The following FGF12 variants were observed in gnomAD, a reference collection of about 807,000 sequenced individuals.
FGF12 encodes fibroblast growth factor 12B.
FGF12 carries 14 observed loss-of-function variants against 23.6 expected under a neutral mutation model. That is an observed-to-expected ratio of 0.59 (90% confidence interval 0.39 to 0.93). The LOEUF is 0.93. Ranked by LOEUF, FGF12 falls within the 40% of genes least tolerant of loss-of-function variation. The probability of loss-of-function intolerance (pLI) is 0.00; values close to 1 mark genes in which losing one functional copy is unlikely to be tolerated. For missense variants in FGF12, 175 were observed against 217.8 expected (o/e 0.80, Z 1.24); for synonymous variants, 62 against 77.3 (o/e 0.80, Z 1.04).
intron 2 of FGF12, among the ~76,000 whole-genome samples, chr3:192,575,224 A>G (rs193161338): frequency 5.5e-4 from 84 of 152,360 alleles, no homozygotes; most frequent in African/African-American, 1.9e-3. Flanking sequence ...AACACGTACA[A>G]TGAAACTCTG....
At chr3:192,698,887 C>T (rs1316961425) in intron 2 of FGF12, among the ~76,000 whole-genome samples, 1 of 152,170 alleles carries the variant, frequency 6.6e-6, no homozygotes, top group African/African-American at 2.4e-5. Flanking sequence ...TGTCAATACA[C>T]CTCACCCTTT....
chr3:192,496,388 C>T (rs1314346390), intron 2 of FGF12, among the ~76,000 whole-genome samples: 1 of 152,050 alleles, frequency 6.6e-6, no homozygotes, highest in Admixed American at 6.6e-5. Flanking sequence ...CTCTGATATA[C>T]TGGTCCAAGC....
At chr3:192,636,856 G>A (rs1715601543) in intron 2 of FGF12, among the ~76,000 whole-genome samples, 1 of 152,202 alleles carries the variant, frequency 6.6e-6, no homozygotes, top group Non-Finnish European at 1.5e-5. Flanking sequence ...CAAGGATACA[G>A]TCAGTGTGGC....
At position 192,320,744 on chromosome 3, in the gene FGF12, T is replaced by C. The variant is rs202163328; in HGVS notation, c.228+14617A>G. On this transcript the variant is annotated intron_variant, in intron 4 of 5. Transcript: ENST00000445105. ...CTCAATAAAGAAATTAAGAAATAAA[T>C]GTAAAAATTTCTTGAAACAAAAGAA... Among the ~76,000 whole-genome samples, 64 of 152,106 alleles carry C rather than the reference T, an allele frequency of 4.2e-4. No homozygotes were observed. In the East Asian group the frequency reaches 0.01, roughly 24 times the overall value.
rs1028889185 is a variant in FGF12 at position 192,653,288 on chromosome 3, T to C, written c.13+73893A>G. On this transcript the variant is annotated intron_variant, in intron 2 of 5. Transcript: ENST00000445105. ...AGGAGTGGTGACGAGAAATAAGTCA[T>C]AGCTCTTGTTTTTGAGGCATTCAGT... Among the ~76,000 whole-genome samples the C allele has an allele frequency of 2.6e-5, 4 of 152,210 alleles. 1 individual carries two copies. Among genetic ancestry groups the C allele is most frequent in the Non-Finnish European group, 5.9e-5 (4 of 68,046 alleles).
intron 3 of FGF12, among the ~76,000 whole-genome samples, chr3:192,341,295 CTT>C (rs1362240305): frequency 1.3e-5 from 2 of 152,070 alleles, no homozygotes; most frequent in Non-Finnish European, 2.9e-5. Flanking sequence ...TAAAGGATCA[CTT>C]TGATTAATCA....
At chr3:192,363,473 G>A (rs1340825462) in intron 2 of FGF12, among the ~76,000 whole-genome samples, 1 of 152,104 alleles carries the variant, frequency 6.6e-6, no homozygotes, top group Non-Finnish European at 1.5e-5. Flanking sequence ...TGAGAGCAGT[G>A]CCAGAACAGG....
chr3:192,217,870 C>A (rs1473562155), intron 4 of FGF12, among the ~76,000 whole-genome samples: 2 of 150,636 alleles, frequency 1.3e-5, no homozygotes, highest in Non-Finnish European at 3.0e-5. Context: ...GAATTTCGCT[C>A]TTGTTGCCAA....
At chr3:192,379,309 A>C (rs1400475764) in intron 2 of FGF12, among the ~76,000 whole-genome samples, 1 of 152,120 alleles carries the variant, frequency 6.6e-6, no homozygotes, top group Admixed American at 6.6e-5. Flanking sequence ...AAATACAAAT[A>C]AAATCATGTA....
At chr3:192,718,811 T>G (rs757252712) in intron 2 of FGF12, among the ~76,000 whole-genome samples, 37 of 152,124 alleles carry the variant, frequency 2.4e-4, no homozygotes, top group Admixed American at 7.2e-4. Context: ...TTCACAGCAT[T>G]AAAAAGCTAG....
intron 5 of FGF12, among the ~76,000 whole-genome samples, chr3:192,167,772 A>ATATATTTTTTTT (rs1715302128): frequency 1.3e-4 from 2 of 15,396 alleles, no homozygotes; most frequent in African/African-American, 4.5e-4. Context: ...TATATATAAA[A>ATATATTTTTTTT]TTTTTTTTTT....
At chr3:192,632,960 G>A (rs1018861220) in intron 2 of FGF12, among the ~76,000 whole-genome samples, 4 of 152,014 alleles carry the variant, frequency 2.6e-5, no homozygotes, top group East Asian at 1.9e-4. Flanking sequence ...TTGGCTCATC[G>A]ATGCATCAAT....
At chr3:192,426,237 G>C (rs1721683818) in intron 2 of FGF12, among the ~76,000 whole-genome samples, 1 of 152,136 alleles carries the variant, frequency 6.6e-6, no homozygotes, top group Non-Finnish European at 1.5e-5. Context: ...ATAAAAGGAG[G>C]GGGGAAATGG....
intron 4 of FGF12, among the ~76,000 whole-genome samples, chr3:192,229,439 G>A (rs1215371948): frequency 1.3e-5 from 2 of 151,940 alleles, no homozygotes; most frequent in Non-Finnish European, 2.9e-5. Flanking sequence ...AGGTATTCTG[G>A]CCCCTGTGTT....
intron 2 of FGF12, among the ~76,000 whole-genome samples, chr3:192,483,432 A>T (rs1438207338): frequency 6.6e-6 from 1 of 152,168 alleles, no homozygotes; most frequent in East Asian, 1.9e-4. Context: ...ACGTAAAAAA[A>T]ATGTCTAATG....
chr3:192,632,347 A>T (rs1715420157), intron 2 of FGF12, among the ~76,000 whole-genome samples: 1 of 152,112 alleles, frequency 6.6e-6, no homozygotes, highest in Non-Finnish European at 1.5e-5. Flanking sequence ...GATTTTGACT[A>T]AAAAAAACCA....
chr3:192,711,755 C>T (rs1265737895), intron 2 of FGF12, among the ~76,000 whole-genome samples: 1 of 151,874 alleles, frequency 6.6e-6, no homozygotes, highest in Non-Finnish European at 1.5e-5. Flanking sequence ...GCAGCATGCT[C>T]CTTAAGAGTC....
Position 192,155,260 on chromosome 3 carries a change from A to C in FGF12, c.428-11133T>G, listed in dbSNP as rs533494822. ...CCCGGTACCTCAGATGGAAATGCAG[A>C]AATCACCGGTCTTCTGCATTGCTCA... is the stretch of plus-strand genomic sequence containing the variant. On this transcript the variant is annotated intron_variant, in intron 5 of 5. Coordinates refer to ENST00000445105, the MANE Select transcript of FGF12 (RefSeq NM_004113.6). 8.9e-4 allele frequency among the ~76,000 whole-genome samples: 135 copies of C among 152,312 alleles called. 3 individuals carry two copies. The South Asian group carries it at 0.028, about 31-fold the overall frequency.
At chr3:192,452,616 T>C (rs936966321) in intron 2 of FGF12, among the ~76,000 whole-genome samples, 5 of 152,208 alleles carry the variant, frequency 3.3e-5, no homozygotes, top group Admixed American at 2.0e-4. Context: ...TTATGCTGCA[T>C]TGGCCAACTC....
Sources: allele counts gnomAD v4.1 joint callset (sites outside exome capture counted in the v4.1 genomes callset), GRCh38; gene constraint gnomAD v4.1.1; transcripts MANE v1.5; gene names NCBI Gene and HGNC (gene_info 2026-07-23, HGNC 2026-07-21).